Variants in PDE10A observed in about 807,000 individuals in gnomAD.
PDE10A encodes cAMP and cAMP-inhibited cGMP 3',5'-cyclic phosphodiesterase 10A.
Under a neutral mutation model 97.7 loss-of-function variants are expected in PDE10A, and 39 were observed. The observed-to-expected ratio is 0.40, with a 90% CI of 0.31 to 0.52. The LOEUF (loss-of-function observed/expected upper bound fraction) is 0.52, where lower values mean the gene tolerates loss of function less well. PDE10A is among the 20% of genes least tolerant of loss of function. PDE10A has a pLI of 0.56. For synonymous variants in PDE10A, 371 were observed against 376.8 expected, an observed-to-expected ratio of 0.98 and a Z score of 0.18; for missense variants, 731 against 1,047.8, an observed-to-expected ratio of 0.70 and a Z score of 4.17.
chr6:165,868,934 T>A (rs1229692398), intron 1 of PDE10A, among the ~76,000 whole-genome samples: 1 of 151,584 alleles, frequency 6.6e-6, no homozygotes, highest in Admixed American at 6.6e-5. Context: ...GGTTATCATA[T>A]GGAAAGAACA....
chr6:165,437,173 G>A (rs1211293341), intron 5 of PDE10A, among the ~76,000 whole-genome samples: 1 of 152,104 alleles, frequency 6.6e-6, no homozygotes, highest in African/African-American at 2.4e-5. Context: ...TTTTTGCGGG[G>A]GGTGTGGAGG....
chr6:165,898,103 C>T (rs1327033852), intron 1 of PDE10A, among the ~76,000 whole-genome samples: 2 of 151,738 alleles, frequency 1.3e-5, no homozygotes, highest in Non-Finnish European at 2.9e-5. Flanking sequence ...TCTAGTCCCC[C>T]TCCACCCCCC....
chr6:165,469,533 T>C (rs914677788), intron 3 of PDE10A, among the ~76,000 whole-genome samples: 3 of 152,206 alleles, frequency 2.0e-5, no homozygotes, highest in Admixed American at 6.5e-5. Flanking sequence ...AAACATAAAT[T>C]TGAATGCCTG....
intron 1 of PDE10A, among the ~76,000 whole-genome samples, chr6:165,930,331 G>T (rs1011509391): frequency 2.0e-5 from 3 of 152,242 alleles, no homozygotes; most frequent in South Asian, 2.1e-4. Flanking sequence ...AAGAAGTTAG[G>T]GACAAGTGGC....
intron 1 of PDE10A, among the ~76,000 whole-genome samples, chr6:165,743,274 C>T (rs1231534282): frequency 6.6e-6 from 1 of 152,198 alleles, no homozygotes; most frequent in Non-Finnish European, 1.5e-5. Context: ...ACAGAAGAGT[C>T]ATGCTTAGTG....
At chr6:165,770,563 C>T (rs764752453) in intron 1 of PDE10A, among the ~76,000 whole-genome samples, 7 of 152,126 alleles carry the variant, frequency 4.6e-5, no homozygotes, top group Non-Finnish European at 1.0e-4. Flanking sequence ...CATTCCACCC[C>T]AGAAGCACTG....
chr6:165,676,579 G>C (rs1790801166), intron 1 of PDE10A, among the ~76,000 whole-genome samples: 1 of 151,948 alleles, frequency 6.6e-6, no homozygotes, highest in South Asian at 2.1e-4. Context: ...CAGGAGGAGG[G>C]GATAGCCGTG....
At chr6:165,686,978 A>G (rs1159249864) in intron 1 of PDE10A, among the ~76,000 whole-genome samples, 1 of 152,268 alleles carries the variant, frequency 6.6e-6, no homozygotes, top group East Asian at 1.9e-4. Context: ...ACTAGCTAAA[A>G]CAATAGTTCT....
chr6:165,495,948 C>A (rs1470570341), intron 2 of PDE10A, among the ~76,000 whole-genome samples: 2 of 151,944 alleles, frequency 1.3e-5, no homozygotes, highest in Admixed American at 1.3e-4. Context: ...TGATAAATAA[C>A]TATATCATAC....
chr6:165,884,022 A>G (rs883299), intron 1 of PDE10A, among the ~76,000 whole-genome samples: 84,935 of 151,938 alleles, frequency 0.56, 24,395 homozygotes, highest in East Asian at 0.91. Context: ...GCCTGAAGCC[A>G]TCCTCCTACC....
At chr6:165,668,278 A>G (rs536946169) in intron 1 of PDE10A, among the ~76,000 whole-genome samples, 1 of 152,338 alleles carries the variant, frequency 6.6e-6, no homozygotes, top group Non-Finnish European at 1.5e-5. Flanking sequence ...ATTATAAAAG[A>G]TGGTATACCC....
At position 165,730,756 on chromosome 6, in the gene PDE10A, A is replaced by G. The variant is rs1207143013; in HGVS notation, c.-614-187188T>C. ...CGACAGAGTGAGATTCCACCAAAAA[A>G]AAAAAAAATCCGGGCCCGGTGGCTC... is the stretch of plus-strand genomic sequence containing the variant. On this transcript the variant is annotated intron_variant, in intron 1 of 19. Transcript: ENST00000366882. Among the ~76,000 whole-genome samples the G allele has an allele frequency of 6.3e-5, 8 of 127,616 alleles. No homozygotes were observed. The Admixed American group carries it at 6.3e-4, about 10-fold the overall frequency. The allele number at this position is 127,616 out of a possible 152,430, so 83.7% of individuals were successfully genotyped here.
chr6:165,858,710 ACATCCAATTCAGCATTGACTCCCAT>A (rs1200717302), intron 1 of PDE10A, among the ~76,000 whole-genome samples: 1 of 152,174 alleles, frequency 6.6e-6, no homozygotes, highest in African/African-American at 2.4e-5. Flanking sequence ...GCCCTAGAAG[ACATCCAATTCAGCATTGACTCCCAT>A]CAGTGAAGGC....
At chr6:165,377,696 T>G (rs1374809361) in intron 18 of PDE10A, among the ~76,000 whole-genome samples, 1 of 152,160 alleles carries the variant, frequency 6.6e-6, no homozygotes, top group Non-Finnish European at 1.5e-5. Flanking sequence ...CAAGGGATAT[T>G]TCATGAAGGC....
chr6:165,688,621 G>C (rs936101771), intron 1 of PDE10A, among the ~76,000 whole-genome samples: 2 of 152,212 alleles, frequency 1.3e-5, no homozygotes, highest in African/African-American at 2.4e-5. Flanking sequence ...TGGATACGTA[G>C]TGGAATGGAT....
At chr6:165,517,948 A>T (rs574768955) in intron 2 of PDE10A, among the ~76,000 whole-genome samples, 1 of 152,308 alleles carries the variant, frequency 6.6e-6, no homozygotes, top group African/African-American at 2.4e-5. Context: ...CATCATTCCT[A>T]TGAAGTTGGT....
chr6:165,789,150 T>C (rs1003929756), intron 1 of PDE10A, among the ~76,000 whole-genome samples: 3 of 152,188 alleles, frequency 2.0e-5, no homozygotes, highest in African/African-American at 7.2e-5. Flanking sequence ...GTTGAGGCAG[T>C]GCCAAGTACC....
At chr6:165,910,938 G>A (rs1045660421) in intron 1 of PDE10A, 1 of 152,176 alleles carries the variant, frequency 6.6e-6, no homozygotes, top group East Asian at 1.9e-4. Flanking sequence ...CTGGTCTGGT[G>A]AGTATTTAAT....
intron 1 of PDE10A, among the ~76,000 whole-genome samples, chr6:165,676,799 G>A (rs1299889858): frequency 1.3e-5 from 2 of 152,098 alleles, no homozygotes; most frequent in Admixed American, 1.3e-4. Flanking sequence ...GCTCTGGGAG[G>A]GCGGAGTGCC....
Sources: gnomAD v4.1 joint callset for allele counts (sites outside exome capture counted in the v4.1 genomes callset) on GRCh38, gnomAD v4.1.1 for gene constraint, MANE v1.5 for transcripts, NCBI Gene and HGNC (gene_info 2026-07-23, HGNC 2026-07-21) for gene names.